The following SEMA3D variants were observed in gnomAD, a reference collection of about 807,000 sequenced individuals.
SEMA3D encodes the protein semaphorin 3D.
In SEMA3D, 84 loss-of-function variants were observed where a neutral mutation model predicts 100.1. The ratio of observed to expected loss-of-function variants is 0.84; its 90% CI spans 0.70 to 1.01. SEMA3D has a LOEUF of 1.01. Ranked by LOEUF, SEMA3D falls within the 50% of genes least tolerant of loss-of-function variation. The pLI, the probability that SEMA3D is intolerant of heterozygous loss-of-function variation, is 0.00. For synonymous variants in SEMA3D, 312 were observed against 320.7 expected (o/e 0.97, Z 0.29); for missense variants, 875 against 934.1 (o/e 0.94, Z 0.82).
chr7:85,119,543 G>A (rs1354702576), intron 3 of SEMA3D, among the ~76,000 whole-genome samples: 2 of 152,100 alleles, frequency 1.3e-5, no homozygotes, highest in Non-Finnish European at 2.9e-5. Context: ...TCACTTATAA[G>A]TGGGAACTAA....
chr7:85,037,802 C>G (rs1562792486), intron 11 of SEMA3D, among the ~76,000 whole-genome samples: 1 of 151,928 alleles, frequency 6.6e-6, no homozygotes, highest in Non-Finnish European at 1.5e-5. Flanking sequence ...ATTCAGATGT[C>G]TTTTTTTGCT....
intron 18 of SEMA3D, among the ~76,000 whole-genome samples, chr7:85,005,584 G>A (rs1789773574): frequency 6.6e-6 from 1 of 152,050 alleles, no homozygotes; most frequent in Admixed American, 6.6e-5. Context: ...TGTAACAGTA[G>A]AGCTATATCT....
intron 3 of SEMA3D, among the ~76,000 whole-genome samples, chr7:85,118,805 A>G (rs1381321603): frequency 3.9e-5 from 6 of 152,146 alleles, no homozygotes; most frequent in African/African-American, 7.2e-5. Flanking sequence ...ATGAGATCCA[A>G]TTTGTCAATT....
chr7:85,052,004 A>T (rs190724729), intron 9 of SEMA3D, among the ~76,000 whole-genome samples: 1 of 152,060 alleles, frequency 6.6e-6, no homozygotes, highest in East Asian at 1.9e-4. Flanking sequence ...GTAGAATATT[A>T]CCGTCATTAT....
At chr7:85,195,757 T>C in the SEMA3D span, among the ~76,000 whole-genome samples, 181 of 152,342 alleles carry the variant, frequency 1.2e-3, no homozygotes, top group African/African-American at 3.8e-3. Context: ...GCATATACTA[T>C]ATTTTTTAGA....
chr7:85,144,102 AATC>A (rs1193542405), intron 2 of SEMA3D, among the ~76,000 whole-genome samples: 2 of 152,160 alleles, frequency 1.3e-5, no homozygotes, highest in African/African-American at 4.8e-5. Context: ...TCCAATATAT[AATC>A]ATTTTAACAT....
At chr7:85,053,155 A>G (rs910007544) in intron 9 of SEMA3D, among the ~76,000 whole-genome samples, 9 of 151,996 alleles carry the variant, frequency 5.9e-5, no homozygotes, top group Non-Finnish European at 1.2e-4. Flanking sequence ...GTATTTCCAA[A>G]TATGTTCTGT....
Position 85,055,736 on chromosome 7 carries a change from C to T in SEMA3D, c.842G>A (p.Arg281Gln), listed in dbSNP as rs754320615. ...GSTSDKTILS[R>Q]VGRVCKNDVG... ...TCTTGCCTTACAAACTCTTCCAACTCGAGAAAGGATGGTTTTATCGGAGGT... is the reference window on the plus strand; with the variant it reads ...TCTTGCCTTACAAACTCTTCCAACTTGAGAAAGGATGGTTTTATCGGAGGT... The change falls in exon 9 of 19, where the codon CGA becomes CAA. Residue 281 changes from arginine to glutamine, a missense_variant. By Grantham distance (43) the Arg-to-Gln change is conservative. Transcript: ENST00000284136. 25 of 1,504,022 alleles carry T rather than the reference C, an allele frequency of 1.7e-5. No homozygotes were observed. The highest frequency in any genetic ancestry group is 1.8e-4 in the Middle Eastern group (1 of 5,692). The allele number at this position is 1,504,022 out of a possible 1,614,324, so 93.2% of individuals were successfully genotyped here.
chr7:85,116,716 T>C (rs1789255205), intron 3 of SEMA3D, among the ~76,000 whole-genome samples: 1 of 152,056 alleles, frequency 6.6e-6, no homozygotes, highest in Non-Finnish European at 1.5e-5. Flanking sequence ...TATTCCATGT[T>C]ATATTCTAGA....
chr7:85,162,830 A>C (rs1403984341), intron 1 of SEMA3D, among the ~76,000 whole-genome samples: 1 of 152,184 alleles, frequency 6.6e-6, no homozygotes. Context: ...AGAAGGTTCC[A>C]GTAGCTGAGA....
intron 2 of SEMA3D, among the ~76,000 whole-genome samples, chr7:85,146,044 A>G (rs908321970): frequency 6.6e-6 from 1 of 152,082 alleles, no homozygotes; most frequent in African/African-American, 2.4e-5. Flanking sequence ...TTTTTGATCT[A>G]TAGTTGGTTG....
chr7:85,052,777 T>C (rs1791202823), intron 9 of SEMA3D, among the ~76,000 whole-genome samples: 1 of 151,992 alleles, frequency 6.6e-6, no homozygotes, highest in African/African-American at 2.4e-5. Context: ...GTATAGTGCA[T>C]TTTGCGCAGA....
intron 18 of SEMA3D, among the ~76,000 whole-genome samples, chr7:85,004,439 G>T (rs1584517302): frequency 6.6e-6 from 1 of 152,054 alleles, no homozygotes; most frequent in Admixed American, 6.6e-5. Flanking sequence ...GATCCCAAAA[G>T]TTCAACAGAA....
At chr7:85,177,477 AGAATCTTG>A (rs767422473) in intron 1 of SEMA3D, among the ~76,000 whole-genome samples, 6 of 152,192 alleles carry the variant, frequency 3.9e-5, no homozygotes, top group Non-Finnish European at 8.8e-5. Flanking sequence ...AATTTTGGCA[AGAATCTTG>A]GAAGCATAAT....
At chr7:85,135,477 G>C (rs1308449180) in intron 2 of SEMA3D, among the ~76,000 whole-genome samples, 1 of 151,798 alleles carries the variant, frequency 6.6e-6, no homozygotes, top group East Asian at 1.9e-4. Flanking sequence ...AACACAGGAA[G>C]GGGAACATAA....
rs1273954924 is a variant in SEMA3D, at chr7:84,999,561, T to C, written c.2213A>G (p.Glu738Gly). 5 of 1,614,054 alleles carry C rather than the reference T, an allele frequency of 3.1e-6. No individual in the cohort carries two copies. Among genetic ancestry groups the C allele is most frequent in the Non-Finnish European group, 4.2e-6 (5 of 1,180,036 alleles). ...DQYCEQMWHR[E>G]KRRQRNKGGP... The stretch of plus-strand genomic sequence containing the variant: ...CCCCTTGTTTCTCTGTCTCCGCTTC[T>C]CCCTGTGCCACATCTGTTCGCAGTA... The change falls in exon 19 of 19, where the codon GAG becomes GGG. Residue 738 changes from glutamate (E) to glycine (G), a missense_variant. Glu to Gly is a moderately conservative substitution (Grantham distance 98, BLOSUM62 -2). Transcript: ENST00000284136.
intron 2 of SEMA3D, among the ~76,000 whole-genome samples, chr7:85,122,464 A>G (rs1427410356): frequency 2.0e-5 from 3 of 152,166 alleles, no homozygotes; most frequent in Non-Finnish European, 4.4e-5. Flanking sequence ...TTTTTCCTTG[A>G]CTAAAGTTGT....
intron 2 of SEMA3D, among the ~76,000 whole-genome samples, chr7:85,151,144 C>G (rs762266440): frequency 6.6e-6 from 1 of 151,602 alleles, no homozygotes; most frequent in African/African-American, 2.4e-5. Context: ...GAGACGTTAT[C>G]TGATATTACT....
chr7:85,144,398 CT>C, intron 2 of SEMA3D: 1 of 905,996 alleles, frequency 1.1e-6, no homozygotes, highest in Non-Finnish European at 1.3e-6. Context: ...GAATTTAAAG[CT>C]AGCTTTGAAA....
Sources: allele counts gnomAD v4.1 joint callset (sites outside exome capture counted in the v4.1 genomes callset), GRCh38; gene constraint gnomAD v4.1.1; transcripts MANE v1.5; gene names NCBI Gene and HGNC (gene_info 2026-07-23, HGNC 2026-07-21).